FGF13: variants seen among roughly 807,000 people sequenced by gnomAD.
FGF13 encodes the protein fibroblast growth factor 13, also known as fibroblast growth factor homologous factor 2.
In FGF13, 2 loss-of-function variants were observed where a neutral mutation model predicts 19.5. The ratio of observed to expected loss-of-function variants is 0.10; its 90% CI spans 0.04 to 0.32. The LOEUF (loss-of-function observed/expected upper bound fraction) is 0.32. FGF13 is among the 10% of genes least tolerant of loss of function. The probability of loss-of-function intolerance (pLI) is 1.00; values close to 1 mark genes in which losing one functional copy is unlikely to be tolerated. For synonymous variants in FGF13, 72 were observed against 76.9 expected (o/e 0.94, Z 0.33); for missense variants, 113 against 192.7 (o/e 0.59, Z 2.45).
chrX:138,856,127 C>A (rs2091256462), downstream of FGF13, among the ~76,000 whole-genome samples: 2 of 111,261 alleles, frequency 1.8e-5, no homozygotes, highest in Non-Finnish European at 3.8e-5. Context: ...ACTAAACAAC[C>A]AAATGATTGC....
chrX:138,875,995 TACACACACACACACACAC>T (rs749175408), intron 1 of FGF13, among the ~76,000 whole-genome samples: 1 of 98,064 alleles, frequency 1.0e-5, no homozygotes, highest in Non-Finnish European at 2.1e-5. Flanking sequence ...TATCGGCTTG[TACACACACACACACACAC>T]ACACACACAC....
At chrX:139,202,591 G>A (rs886162172) in intron 1 of FGF13, among the ~76,000 whole-genome samples, 2 of 111,271 alleles carry the variant, frequency 1.8e-5, no homozygotes, top group Non-Finnish European at 1.9e-5. Flanking sequence ...TCACCCTTTC[G>A]CCTATTTGGG....
At chrX:138,853,821 T>G (rs1422016800), downstream of FGF13, among the ~76,000 whole-genome samples, 1 of 111,671 alleles carries the variant, frequency 9.0e-6, no homozygotes, top group African/African-American at 3.3e-5. Context: ...ATGATTTATT[T>G]TTCCCTGTAG....
intron 1 of FGF13, among the ~76,000 whole-genome samples, chrX:139,030,782 CA>C (rs2124393613): frequency 9.0e-6 from 1 of 111,627 alleles, no homozygotes; most frequent in South Asian, 3.8e-4. Flanking sequence ...ATAAACATTC[CA>C]AAAAACACAG....
intron 1 of FGF13, among the ~76,000 whole-genome samples, chrX:139,142,153 C>A (rs2083850841): frequency 8.9e-6 from 1 of 111,868 alleles, no homozygotes; most frequent in East Asian, 2.8e-4. Context: ...GTGTCTGTCA[C>A]CTGAATATAA....
At chrX:138,880,772 C>T (rs761583252) in intron 1 of FGF13, among the ~76,000 whole-genome samples, 60 of 112,141 alleles carry the variant, frequency 5.4e-4, no homozygotes, top group South Asian at 7.4e-4. Context: ...CTCAATTCTA[C>T]GCTATTAGTC....
In FGF13 at chrX:139,124,111, A is replaced by C. The variant is rs756872648; in HGVS notation, c.-113+79305T>G. ...CAGACCCTGCTGCTTCAATTTCTTC[A>C]GGAGTTTCTCTTTGTTCACCAGTGA... On this transcript the variant is annotated intron_variant, in intron 1 of 2. Coordinates refer to the FGF13 transcript ENST00000421460. Among the ~76,000 whole-genome samples the C allele has an allele frequency of 3.4e-4, 38 of 112,251 alleles. No individual in the cohort carries two copies. In the Admixed American group the frequency reaches 3.5e-3, roughly 10 times the overall value.
intron 1 of FGF13, among the ~76,000 whole-genome samples, chrX:139,023,794 C>G (rs750524142): frequency 1.2e-4 from 13 of 111,123 alleles, no homozygotes; most frequent in African/African-American, 3.9e-4. Flanking sequence ...CTCATTTTAG[C>G]TAAAAAGCAT....
At chrX:138,639,944 G>A (rs754938884) in intron 3 of FGF13, among the ~76,000 whole-genome samples, 1 of 109,869 alleles carries the variant, frequency 9.1e-6, no homozygotes, top group Non-Finnish European at 1.9e-5. Context: ...AGTGAGCCGA[G>A]ACTGCACCAC....
At chrX:138,784,905 G>A (rs1055868151) in intron 3 of FGF13, among the ~76,000 whole-genome samples, 3 of 112,025 alleles carry the variant, frequency 2.7e-5, no homozygotes, top group Non-Finnish European at 3.8e-5. Flanking sequence ...ATTTTAGCAG[G>A]TGAGTGTTGC....
At chrX:138,860,219 A>C (rs2091281502) in intron 2 of FGF13, among the ~76,000 whole-genome samples, 1 of 111,455 alleles carries the variant, frequency 9.0e-6, no homozygotes. Context: ...GTTATATCAA[A>C]TGCACTTATT....
intron 1 of FGF13, among the ~76,000 whole-genome samples, chrX:139,125,860 C>T (rs937139979): frequency 5.4e-5 from 6 of 111,387 alleles, no homozygotes; most frequent in African/African-American, 2.0e-4. Flanking sequence ...ATTCTCACAG[C>T]TCAGTCCATG....
intron 1 of FGF13, among the ~76,000 whole-genome samples, chrX:139,011,361 C>CAAAAAAAAAAAAAAAA (rs3047329): frequency 1.2e-5 from 1 of 82,924 alleles, no homozygotes; most frequent in Non-Finnish European, 2.3e-5. Flanking sequence ...AACAAACAAA[C>CAAAAAAAAAAAAAAAA]AAAAAAAAAA....
Position 138,962,839 on chromosome X carries a change from C to T in FGF13, c.-112-98189G>A, listed in dbSNP as rs965572725. Among the ~76,000 whole-genome samples the T allele has an allele frequency of 7.2e-5, 8 of 110,789 alleles. No homozygotes were observed. The East Asian group carries it at 2.3e-3, about 32-fold the overall frequency. ...GGGTGGGGAACATCACACACCGGGG[C>T]CTGTGATGGGGTTGTGGGACGGGGA... On this transcript the variant is annotated intron_variant, in intron 1 of 2. Coordinates refer to the FGF13 transcript ENST00000421460.
intron 1 of FGF13, among the ~76,000 whole-genome samples, chrX:138,915,528 T>G (rs182365483): frequency 2.7e-5 from 3 of 111,827 alleles, no homozygotes; most frequent in South Asian, 3.8e-4. Flanking sequence ...CTTTCCCTCA[T>G]TTTTTCAAGA....
At chrX:138,764,452 G>A (rs748154244) in intron 3 of FGF13, among the ~76,000 whole-genome samples, 1 of 112,648 alleles carries the variant, frequency 8.9e-6, no homozygotes, top group Non-Finnish European at 1.9e-5. Context: ...GTGGCCGCAA[G>A]GTCAAATCTG....
At chrX:139,042,448 C>T (rs768208411) in intron 1 of FGF13, among the ~76,000 whole-genome samples, 2 of 111,791 alleles carry the variant, frequency 1.8e-5, no homozygotes, top group African/African-American at 6.5e-5. Context: ...GTAATGCCTG[C>T]ACTCAGTTTA....
upstream of FGF13, among the ~76,000 whole-genome samples, chrX:138,742,030 T>A (rs1023340299): frequency 1.1e-4 from 12 of 111,738 alleles, no homozygotes; most frequent in African/African-American, 3.9e-4. Context: ...TCCCCTTGTC[T>A]GCCTACTAAT....
At chrX:138,795,523 T>C (rs1157996128) in intron 3 of FGF13, among the ~76,000 whole-genome samples, 1 of 111,902 alleles carries the variant, frequency 8.9e-6, no homozygotes, top group African/African-American at 3.2e-5. Flanking sequence ...ACAGCCTATG[T>C]TGGAAAGACA....
Sources: allele counts gnomAD v4.1 joint callset (sites outside exome capture counted in the v4.1 genomes callset), GRCh38; gene constraint gnomAD v4.1.1; transcripts MANE v1.5; gene names NCBI Gene and HGNC (gene_info 2026-07-23, HGNC 2026-07-21).